Variants in OR4F5 observed in about 807,000 individuals in gnomAD.
OR4F5 encodes the protein olfactory receptor 4F5.
A neutral mutation model predicts 5.8 loss-of-function variants in OR4F5; 1 was observed. That is an observed-to-expected ratio of 0.17 (90% confidence interval 0.06 to 0.82). OR4F5 has a LOEUF of 0.82. Ranked by LOEUF, OR4F5 falls within the 40% of genes least tolerant of loss-of-function variation. The probability of loss-of-function intolerance (pLI) is 0.72; values close to 1 mark genes in which losing one functional copy is unlikely to be tolerated. For missense variants in OR4F5, 47 were observed against 175.5 expected (o/e 0.27, Z 4.14); for synonymous variants, 18 against 63.7 (o/e 0.28, Z 3.42).
rs556374459 is a variant in OR4F5 at position 69,555 on chromosome 1, T to G, written c.528T>G (p.Phe176Leu). ...GFLHSVSQLA[F>L]AVHLLFCGPN... ...TCCATTCGGTGAGCCAGTTGGCGTT[T>G]GCCGTGCACTTACTCTTCTGTGGTC... The change falls in exon 3 of 3, where the codon TTT becomes TTG. Residue 176 changes from phenylalanine to leucine, a missense_variant. Phe to Leu is a conservative substitution (Grantham distance 22, BLOSUM62 0). Transcript: ENST00000641515. 2.9e-6 allele frequency: 3 copies of G among 1,020,928 alleles called. 1 individual carries two copies. The highest frequency in any genetic ancestry group is 1.8e-5 in the African/African-American group (1 of 54,408). The allele number at this position is 1,020,928 out of a possible 1,614,324, so 63.2% of individuals were successfully genotyped here. A position where few individuals can be genotyped will look rare whatever the true frequency, so the allele number is the denominator to read the frequency against.
chr1:66,794 AT>A (rs1157147106), intron 2 of OR4F5, among the ~76,000 whole-genome samples: 2 of 110,318 alleles, frequency 1.8e-5, no homozygotes, highest in African/African-American at 5.4e-5. Context: ...AATTCTTCTA[AT>A]TTTTTTTGAA....
chr1:66,035 A>T (rs1224116444), intron 2 of OR4F5, among the ~76,000 whole-genome samples: 1 of 119,554 alleles, frequency 8.4e-6, no homozygotes, highest in South Asian at 2.4e-4. Flanking sequence ...AACTCATTTT[A>T]AAAACAGGAA....
In OR4F5 at chr1:69,513, A is replaced by G. The variant is rs770590115; in HGVS notation, c.486A>G (p.Thr162=). 6 of 980,944 alleles carry G rather than the reference A, an allele frequency of 6.1e-6. No individual in the cohort carries two copies. The East Asian group carries it at 1.2e-4, about 20-fold the overall frequency. 60.8% of individuals were successfully genotyped at this position (980,944 alleles called of 1,614,324 possible). Residue 162 remains threonine (T), a synonymous_variant, in exon 3 of 3, where the codon ACA becomes ACG. Transcript: ENST00000641515. Reference sequence around the variant, plus strand: ...CATGTGTCGGCATTATGGCTGTCACATGGGGAATTGGCTTTCTCCATTCGG... The same window carrying G: ...CATGTGTCGGCATTATGGCTGTCACGTGGGGAATTGGCTTTCTCCATTCGG... ...GNACVGIMAV[T]WGIGFLHSVS... is the part of the protein sequence containing the mutation.
chr1:69,974 G>GA lies in OR4F5; in HGVS notation c.951dup (p.Trp318MetfsTer6), dbSNP rs2100337531. ...ATGAAGACGGCAATAAGACAGCTGAGAAAATGGGATGCACATTCTAGTGTA... is the reference window on the plus strand; with the variant it reads ...ATGAAGACGGCAATAAGACAGCTGAGAAAAATGGGATGCACATTCTAGTGTA... On this transcript the variant is annotated frameshift_variant, in exon 3 of 3. Transcript: ENST00000641515. LOFTEE classifies it high-confidence loss of function. 1 of 451,484 alleles carries GA rather than the reference G, an allele frequency of 2.2e-6. No homozygotes were observed. The highest frequency in any genetic ancestry group is 2.2e-5 in the African/African-American group (1 of 45,810). 28.0% of individuals were successfully genotyped at this position (451,484 alleles called of 1,614,324 possible). A position where few individuals can be genotyped will look rare whatever the true frequency, so the allele number is the denominator to read the frequency against.
At chr1:66,404 TAATATA>T (rs1639943725) in intron 2 of OR4F5, among the ~76,000 whole-genome samples, 1 of 36,998 alleles carries the variant, frequency 2.7e-5, no homozygotes, top group African/African-American at 7.3e-5. Context: ...ATATATTATA[TAATATA>T]ATATATTTTA....
At position 70,613 on chromosome 1, in the gene OR4F5, A is replaced by G. The variant is rs558477822; in HGVS notation, c.*605A>G. The stretch of plus-strand genomic sequence containing the variant: ...CTTCTAGGTCCTAGACGTCTGTGGT[A>G]TAACTGCTCATAAGCAGTAGAAAGA... On this transcript the variant is annotated 3_prime_UTR_variant, in exon 3 of 3. Coordinates refer to ENST00000641515, the MANE Select transcript of OR4F5 (RefSeq NM_001005484.2). The G allele has an allele frequency of 9.9e-6, 1 of 101,520 alleles. No individual in the cohort carries two copies. Among genetic ancestry groups the G allele is most frequent in the East Asian group, 2.1e-4 (1 of 4,878 alleles). The allele number at this position is 101,520 out of a possible 1,614,324, so 6.3% of individuals were successfully genotyped here.
chr1:68,599 G>C lies in OR4F5; in HGVS notation c.10-438G>C, dbSNP rs1165887824. 6.6e-5 allele frequency among the ~76,000 whole-genome samples: 2 copies of C among 30,388 alleles called. 1 individual carries two copies. The highest frequency in any genetic ancestry group is 1.3e-4 in the African/African-American group (2 of 15,844). 19.9% of individuals were successfully genotyped at this position (30,388 alleles called of 152,430 possible). A position where few individuals can be genotyped will look rare whatever the true frequency, so the allele number is the denominator to read the frequency against. ...TCTTTTATCCTCTGTTAATTTTTAA[G>C]TATTATATTTGTGATATTATTTTTT... On this transcript the variant is annotated intron_variant, in intron 2 of 2. Transcript: ENST00000641515.
chr1:66,531 AT>A (rs1639949883), intron 2 of OR4F5, among the ~76,000 whole-genome samples: 3 of 84,174 alleles, frequency 3.6e-5, no homozygotes, highest in Non-Finnish European at 4.9e-5. Context: ...TATATAATAT[AT>A]ATTATATTTA....
intron 2 of OR4F5, among the ~76,000 whole-genome samples, chr1:68,239 C>T (rs1206788273): frequency 2.0e-5 from 2 of 100,270 alleles, no homozygotes; most frequent in Middle Eastern, 5.4e-3. Flanking sequence ...TACTTTAATA[C>T]GTTGCTCGAT....
intron 2 of OR4F5, among the ~76,000 whole-genome samples, chr1:68,102 CT>C (rs1377229903): frequency 2.2e-5 from 1 of 45,958 alleles, no homozygotes; most frequent in African/African-American, 4.6e-5. Flanking sequence ...CTATTATCAC[CT>C]ATATTTTCCA....
At chr1:66,481 TTTATAGA>T (rs1487566709) in intron 2 of OR4F5, among the ~76,000 whole-genome samples, 945 of 24,568 alleles carry the variant, frequency 0.038, 37 homozygotes, top group South Asian at 0.19. Flanking sequence ...ATATTATATA[TTTATAGA>T]ATATAATATA....
rs1354918924 is a variant in OR4F5, at chr1:66,357, A to AT, written c.9+786dup. Among the ~76,000 whole-genome samples the AT allele has an allele frequency of 1.7e-4, 7 of 42,030 alleles. No homozygotes were observed. The South Asian group carries it at 3.2e-3, about 19-fold the overall frequency. 27.6% of individuals were successfully genotyped at this position (42,030 alleles called of 152,430 possible). ...TATTTTATTATATAATATAATATATATTATATAAATATAATATATAAATTA... is the reference window on the plus strand; with the variant it reads ...TATTTTATTATATAATATAATATATATTTATATAAATATAATATATAAATTA... On this transcript the variant is annotated intron_variant, in intron 2 of 2. Transcript: ENST00000641515.
chr1:66,155 G>A, intron 2 of OR4F5, among the ~76,000 whole-genome samples: 2 of 94,282 alleles, frequency 2.1e-5, no homozygotes, highest in African/African-American at 6.7e-5. Flanking sequence ...AAGGACATAA[G>A]GCATTTATAT....
intron 2 of OR4F5, among the ~76,000 whole-genome samples, chr1:68,431 C>G (rs1487535602): frequency 2.9e-4 from 19 of 65,734 alleles, no homozygotes; most frequent in African/African-American, 6.9e-4. Context: ...GTTCTTGTCT[C>G]TATAATAAAA....
At chr1:66,252 A>T (rs1212420948) in intron 2 of OR4F5, among the ~76,000 whole-genome samples, 2 of 11,654 alleles carry the variant, frequency 1.7e-4, no homozygotes, top group Admixed American at 1.5e-3. Flanking sequence ...ATATTATATA[A>T]TATATAATAT....
At chr1:66,386 AATAT>A (rs1639943161) in intron 2 of OR4F5, among the ~76,000 whole-genome samples, 1 of 67,778 alleles carries the variant, frequency 1.5e-5, no homozygotes, top group Non-Finnish European at 3.0e-5. Context: ...TAAATTATAT[AATAT>A]AATATATATT....
intron 2 of OR4F5, among the ~76,000 whole-genome samples, chr1:67,463 C>T (rs1639959065): frequency 1.1e-5 from 1 of 92,416 alleles, no homozygotes; most frequent in Non-Finnish European, 2.8e-5. Context: ...TAACAGTATT[C>T]CTCCAAAAAA....
At chr1:66,271 TATAA>T in intron 2 of OR4F5, among the ~76,000 whole-genome samples, 1 of 30,074 alleles carries the variant, frequency 3.3e-5, no homozygotes, top group East Asian at 6.0e-4. Flanking sequence ...ATAAATATAA[TATAA>T]ATTATATTAT....
intron 2 of OR4F5, among the ~76,000 whole-genome samples, chr1:67,362 G>A (rs919883839): frequency 9.8e-6 from 1 of 102,192 alleles, no homozygotes; most frequent in East Asian, 2.1e-4. Flanking sequence ...GAGTGTGTAG[G>A]ACTAAGAAAT....
Sources: gnomAD v4.1 joint callset for allele counts (sites outside exome capture counted in the v4.1 genomes callset) on GRCh38, gnomAD v4.1.1 for gene constraint, MANE v1.5 for transcripts, NCBI Gene and HGNC (gene_info 2026-07-23, HGNC 2026-07-21) for gene names.